Variants in HECW1 observed in about 807,000 individuals in gnomAD.
The protein encoded by HECW1 is HECT, C2 and WW domain containing E3 ubiquitin protein ligase 1, also known as E3 ubiquitin-protein ligase HECW1.
A neutral mutation model predicts 182.3 loss-of-function variants in HECW1; 61 were observed. The ratio of observed to expected loss-of-function variants is 0.33; its 90% CI spans 0.27 to 0.41. The LOEUF is 0.41. Ranked by LOEUF, HECW1 falls within the 10% of genes least tolerant of loss-of-function variation. The probability of loss-of-function intolerance (pLI) is 1.00; values close to 1 mark genes in which losing one functional copy is unlikely to be tolerated. For synonymous variants in HECW1, 859 were observed against 832.6 expected (o/e 1.03, Z -0.55); for missense variants, 1,739 against 2,108.9 (o/e 0.82, Z 3.44).
At chr7:43,274,146 C>T (rs1802782928) in intron 3 of HECW1, 2 of 411,678 alleles carry the variant, frequency 4.9e-6, no homozygotes, top group Non-Finnish European at 8.5e-6. Flanking sequence ...GCGGCAGGCA[C>T]GGAAAGGACG....
At chr7:43,468,600 C>T (rs753422239) in intron 15 of HECW1, among the ~76,000 whole-genome samples, 2 of 152,070 alleles carry the variant, frequency 1.3e-5, no homozygotes, top group Non-Finnish European at 2.9e-5. Context: ...TAGCTCACTG[C>T]AGCCTCTATT....
chr7:43,462,304 C>G (rs1001302799), intron 13 of HECW1, among the ~76,000 whole-genome samples: 2 of 152,072 alleles, frequency 1.3e-5, no homozygotes, highest in Admixed American at 6.5e-5. Context: ...CTCTCCACAG[C>G]TCCCAGCTCC....
chr7:43,561,128 C>T (rs532874006), intron 29 of HECW1, among the ~76,000 whole-genome samples: 1 of 152,356 alleles, frequency 6.6e-6, no homozygotes, highest in Admixed American at 6.5e-5. Flanking sequence ...AGGTGTTAGC[C>T]TCTGGCGAGG....
At chr7:43,410,359 A>G (rs748968014) in intron 8 of HECW1, among the ~76,000 whole-genome samples, 3 of 151,910 alleles carry the variant, frequency 2.0e-5, no homozygotes, top group Non-Finnish European at 2.9e-5. Context: ...AAGAGAGCAC[A>G]CTCTTATAAG....
At chr7:43,218,179 A>G (rs1370038970) in intron 2 of HECW1, among the ~76,000 whole-genome samples, 1 of 152,270 alleles carries the variant, frequency 6.6e-6, no homozygotes. Context: ...TAAAAAATCA[A>G]TACCACAATG....
chr7:43,135,213 G>T (rs1787394739), intron 2 of HECW1, among the ~76,000 whole-genome samples: 1 of 152,110 alleles, frequency 6.6e-6, no homozygotes, highest in South Asian at 2.1e-4. Flanking sequence ...CTTACAGGGA[G>T]GGGGTAGTCA....
intron 8 of HECW1, among the ~76,000 whole-genome samples, chr7:43,421,176 C>T (rs1012184144): frequency 6.6e-6 from 1 of 152,272 alleles, no homozygotes; most frequent in East Asian, 1.9e-4. Context: ...AGTGCTGCTG[C>T]TGTATGTTAT....
At chr7:43,319,644 A>G (rs1041251772) in intron 4 of HECW1, among the ~76,000 whole-genome samples, 1 of 108,492 alleles carries the variant, frequency 9.2e-6, no homozygotes, top group Admixed American at 1.4e-4. Context: ...GAGTCTCGCT[A>G]TGTAAACAGG....
chr7:43,471,425 C>T (rs1009092987), intron 16 of HECW1, among the ~76,000 whole-genome samples: 1 of 152,208 alleles, frequency 6.6e-6, no homozygotes, highest in African/African-American at 2.4e-5. Flanking sequence ...TTTATCTACA[C>T]ATTCAAAGAT....
chr7:43,417,073 G>C (rs187272217), intron 8 of HECW1, among the ~76,000 whole-genome samples: 11 of 152,222 alleles, frequency 7.2e-5, no homozygotes, highest in East Asian at 1.9e-4. Flanking sequence ...TTTTTGAGGC[G>C]GAGTTTCACT....
chr7:43,399,295 AG>A, intron 7 of HECW1, among the ~76,000 whole-genome samples: 1 of 152,352 alleles, frequency 6.6e-6, no homozygotes, highest in East Asian at 1.9e-4. Flanking sequence ...GTTAGACGCA[AG>A]ATGGAGTTGG....
chr7:43,551,437 G>A (rs74743192), intron 27 of HECW1, among the ~76,000 whole-genome samples: 24,102 of 152,034 alleles, frequency 0.16, 2,478 homozygotes, highest in Non-Finnish European at 0.24. Context: ...AAATACAGTC[G>A]TTTTAATACA....
chr7:43,182,382 T>C (rs1792953709), intron 2 of HECW1, among the ~76,000 whole-genome samples: 1 of 152,228 alleles, frequency 6.6e-6, no homozygotes, highest in African/African-American at 2.4e-5. Context: ...GACATCCAGT[T>C]TTCCCAGCCC....
intron 6 of HECW1, among the ~76,000 whole-genome samples, chr7:43,365,521 T>C (rs933616877): frequency 4.6e-5 from 7 of 152,212 alleles, no homozygotes; most frequent in Non-Finnish European, 8.8e-5. Flanking sequence ...GGGTCATGTG[T>C]AGTCAAAGAT....
At chr7:43,290,582 T>C (rs1421087910) in intron 3 of HECW1, among the ~76,000 whole-genome samples, 1 of 152,216 alleles carries the variant, frequency 6.6e-6, no homozygotes, top group Non-Finnish European at 1.5e-5. Flanking sequence ...AATTCCATTT[T>C]TCAGGTTCCT....
intron 3 of HECW1, among the ~76,000 whole-genome samples, chr7:43,285,294 G>A (rs969393778): frequency 8.5e-5 from 13 of 152,124 alleles, no homozygotes; most frequent in Non-Finnish European, 1.8e-4. Flanking sequence ...CCTCACCACT[G>A]GCCAGTTAAG....
chr7:43,131,714 A>G (rs1385832961), intron 2 of HECW1, among the ~76,000 whole-genome samples: 1 of 152,226 alleles, frequency 6.6e-6, no homozygotes, highest in African/African-American at 2.4e-5. Context: ...GCTCAGCGCT[A>G]TGATTTAAAC....
At chr7:43,127,523 C>CAAAAAAAAAAAA (rs71562078) in intron 2 of HECW1, among the ~76,000 whole-genome samples, 1 of 57,284 alleles carries the variant, frequency 1.7e-5, no homozygotes, top group Non-Finnish European at 3.2e-5. Context: ...AACTCCATCT[C>CAAAAAAAAAAAA]AAAAAAAAAA....
At chr7:43,546,443 C>T (rs1218420421) in intron 26 of HECW1, among the ~76,000 whole-genome samples, 2 of 151,768 alleles carry the variant, frequency 1.3e-5, no homozygotes. Context: ...TGAAGTCATC[C>T]ATAGTGTTGA....
Sources: allele counts gnomAD v4.1 joint callset (sites outside exome capture counted in the v4.1 genomes callset), GRCh38; gene constraint gnomAD v4.1.1; transcripts MANE v1.5; gene names NCBI Gene and HGNC (gene_info 2026-07-23, HGNC 2026-07-21).